JHY: variants seen among roughly 807,000 people sequenced by gnomAD.
JHY encodes jhy protein homolog.
Under a neutral mutation model 78.0 loss-of-function variants are expected in JHY, and 69 were observed. The ratio of observed to expected loss-of-function variants is 0.88; its 90% confidence interval spans 0.73 to 1.08. The LOEUF is 1.08. Among genes scored for constraint, JHY ranks in the 50% least tolerant of loss-of-function variants. The pLI, the probability that JHY is intolerant of heterozygous loss-of-function variation, is 0.00. For synonymous variants in JHY, 368 were observed against 342.6 expected, an observed-to-expected ratio of 1.07 and a Z score of -0.82; for missense variants, 944 against 927.8, an observed-to-expected ratio of 1.02 and a Z score of -0.23.
chr11:122,892,588 C>T (rs1399277371), intron 2 of JHY, among the ~76,000 whole-genome samples: 1 of 152,124 alleles, frequency 6.6e-6, no homozygotes, highest in Non-Finnish European at 1.5e-5. Context: ...TCCCAAAGTG[C>T]TGGGATTACA....
chr11:122,951,816 G>T (rs780805516), intron 6 of JHY, among the ~76,000 whole-genome samples: 1 of 152,158 alleles, frequency 6.6e-6, no homozygotes, highest in Non-Finnish European at 1.5e-5. Flanking sequence ...CAGAGGGGCT[G>T]GTCTGGCCTT....
At chr11:122,913,581 C>A (rs1251741407) in intron 3 of JHY, among the ~76,000 whole-genome samples, 2 of 152,170 alleles carry the variant, frequency 1.3e-5, no homozygotes, top group African/African-American at 4.8e-5. Flanking sequence ...TTTCCTCTAG[C>A]CCCTTCCTTG....
chr11:122,951,610 G>A (rs1217295511), intron 6 of JHY, among the ~76,000 whole-genome samples: 1 of 152,180 alleles, frequency 6.6e-6, no homozygotes, highest in African/African-American at 2.4e-5. Context: ...CCACAGCAGG[G>A]TACCACCTTT....
intron 3 of JHY, among the ~76,000 whole-genome samples, chr11:122,914,708 G>C (rs1863200533): frequency 6.6e-6 from 1 of 152,112 alleles, no homozygotes; most frequent in African/African-American, 2.4e-5. Context: ...CTCCCAAAGT[G>C]CTTGGATTAC....
chr11:122,954,465 T>TA (rs1394400554), intron 6 of JHY, among the ~76,000 whole-genome samples: 1 of 152,228 alleles, frequency 6.6e-6, no homozygotes, highest in East Asian at 1.9e-4. Flanking sequence ...TAGTGGTTGA[T>TA]ACAGTGTGTT....
At chr11:122,959,137 A>G in intron 8 of JHY, 111 bp from the exon 9 acceptor site, 1 of 1,400,758 alleles carries the variant, frequency 7.1e-7, no homozygotes, top group South Asian at 1.5e-5. Context: ...TGTCTTAGTA[A>G]GTTATAGTGA....
At chr11:122,955,871 CTT>C (rs1864180165) in intron 6 of JHY, among the ~76,000 whole-genome samples, 2 of 152,174 alleles carry the variant, frequency 1.3e-5, no homozygotes, top group African/African-American at 4.8e-5. Flanking sequence ...AGGGTATTCT[CTT>C]TTTGAAGCAC....
intron 5 of JHY, among the ~76,000 whole-genome samples, chr11:122,937,669 G>A (rs112729309): frequency 9.9e-5 from 15 of 152,150 alleles, no homozygotes; most frequent in African/African-American, 2.9e-4. Context: ...ACTGCGTTCC[G>A]CTGTTGTTGT....
At chr11:122,955,388 TG>T (rs1443926140) in intron 6 of JHY, among the ~76,000 whole-genome samples, 17 of 152,168 alleles carry the variant, frequency 1.1e-4, no homozygotes, top group African/African-American at 4.1e-4. Context: ...CCCAAAGTGC[TG>T]GCATTACAGG....
chr11:122,953,703 C>G (rs1411812081), intron 6 of JHY, among the ~76,000 whole-genome samples: 1 of 151,940 alleles, frequency 6.6e-6, no homozygotes, highest in African/African-American at 2.4e-5. Context: ...GAGGAAGCAG[C>G]TATCATGGTT....
At chr11:122,912,286 CA>C (rs374121692) in intron 3 of JHY, among the ~76,000 whole-genome samples, 5,323 of 73,740 alleles carry the variant, frequency 0.072, 123 homozygotes, top group Non-Finnish European at 0.099. Context: ...GACTCCATCT[CA>C]AAAAAAAAAA....
Position 122,962,084 on chromosome 11 carries a change from G to A in JHY, c.*2639G>A, listed in dbSNP as rs936046113. 2.0e-5 allele frequency among the ~76,000 whole-genome samples: 3 copies of A among 152,200 alleles called. No homozygotes were observed. The highest frequency in any genetic ancestry group is 2.0e-4 in the Admixed American group (3 of 15,286). ...CAAAAGCATTCCATAGTTTACTACT[G>A]AATACAAATGTTAATAAATATTTTT... is the stretch of plus-strand genomic sequence containing the variant. On this transcript the variant is annotated 3_prime_UTR_variant, in exon 9 of 9. Coordinates refer to ENST00000227349, the MANE Select transcript of JHY (RefSeq NM_024806.4).
intron 2 of JHY, among the ~76,000 whole-genome samples, chr11:122,891,430 A>T (rs1210071314): frequency 6.6e-6 from 1 of 152,108 alleles, no homozygotes; most frequent in Non-Finnish European, 1.5e-5. Flanking sequence ...TGGAGAGGGG[A>T]TCTTCACGTG....
intron 4 of JHY, among the ~76,000 whole-genome samples, chr11:122,932,944 T>TC (rs1425141614): frequency 1.3e-5 from 2 of 152,068 alleles, no homozygotes; most frequent in Non-Finnish European, 1.5e-5. Flanking sequence ...GCCTGGCCAA[T>TC]CCCCCAGAAA....
At chr11:122,922,356 C>G (rs1863385098) in intron 3 of JHY, among the ~76,000 whole-genome samples, 1 of 152,160 alleles carries the variant, frequency 6.6e-6, no homozygotes, top group Admixed American at 6.5e-5. Context: ...AGTAAGGTTA[C>G]ACCTGAAATA....
chr11:122,949,890 G>A (rs1195259533), intron 6 of JHY, among the ~76,000 whole-genome samples: 1 of 146,118 alleles, frequency 6.8e-6, no homozygotes, highest in Non-Finnish European at 1.5e-5. Context: ...AGGCTGGTGT[G>A]CAGTGAAGCA....
chr11:122,928,882 T>A (rs1179518869), intron 4 of JHY, among the ~76,000 whole-genome samples: 1 of 152,106 alleles, frequency 6.6e-6, no homozygotes, highest in Non-Finnish European at 1.5e-5. Flanking sequence ...TCTCCTGACC[T>A]CGTGATCCGC....
Position 122,934,418 on chromosome 11 carries a change from A to C in JHY, c.979-2A>C. Reference sequence around the variant, plus strand: ...TTACATTAACCAAAAATATCTCTTTAGAATTACCAGGAACACTGGTCTCAA... The same window carrying C: ...TTACATTAACCAAAAATATCTCTTTCGAATTACCAGGAACACTGGTCTCAA... On this transcript the variant is annotated splice_acceptor_variant, in intron 4 of 8. Transcript: ENST00000227349. LOFTEE classifies it high-confidence loss of function. The C allele has an allele frequency of 6.4e-7, 1 of 1,562,292 alleles. No individual in the cohort carries two copies. Among genetic ancestry groups the C allele is most frequent in the African/African-American group, 1.4e-5 (1 of 73,638 alleles).
Position 122,917,960 on chromosome 11 carries a change from G to A in JHY, c.865-6937G>A, listed in dbSNP as rs897362216. ...CTGTCACCCAGGTTGGAATGCAGTG[G>A]CGCCATCTCAGCTCACTGCAACCTC... On this transcript the variant is annotated intron_variant, in intron 3 of 8. Transcript: ENST00000227349. This position sits in a 1 kb window ranked among gnomAD's most constrained non-coding sequence, Gnocchi z 4.1. Among the ~76,000 whole-genome samples, 2 of 146,944 alleles carry A rather than the reference G, an allele frequency of 1.4e-5. No homozygotes were observed. The highest frequency in any genetic ancestry group is 6.6e-5 in the Admixed American group (1 of 15,044).
Sources: gnomAD v4.1 joint callset for allele counts (sites outside exome capture counted in the v4.1 genomes callset) on GRCh38, gnomAD v4.1.1 for gene constraint, Gnocchi (gnomAD v3.1) non-coding constraint, MANE v1.5 for transcripts, NCBI Gene and HGNC (gene_info 2026-07-23, HGNC 2026-07-21) for gene names.